Variants in EPHA7 observed in about 807,000 individuals in gnomAD.
The protein encoded by EPHA7 is ephrin type-A receptor 7.
Under a neutral mutation model 112.6 loss-of-function variants are expected in EPHA7, and 25 were observed. That is an observed-to-expected ratio of 0.22 (90% CI 0.16 to 0.31). The LOEUF is 0.31. EPHA7 is among the 10% of genes least tolerant of loss of function. The pLI, the probability that EPHA7 is intolerant of heterozygous loss-of-function variation, is 1.00. For synonymous variants in EPHA7, 437 were observed against 406.5 expected (o/e 1.07, Z -0.90); for missense variants, 962 against 1,212.6 (o/e 0.79, Z 3.07).
intron 3 of EPHA7, among the ~76,000 whole-genome samples, chr6:93,369,100 A>T (rs1562130560): frequency 6.6e-6 from 1 of 151,852 alleles, no homozygotes; most frequent in African/African-American, 2.4e-5. Context: ...GCTTAGAAAA[A>T]TGTTGTTGAG....
intron 3 of EPHA7, among the ~76,000 whole-genome samples, chr6:93,384,460 G>A (rs1270482240): frequency 6.6e-6 from 1 of 152,126 alleles, no homozygotes; most frequent in African/African-American, 2.4e-5. Flanking sequence ...ACAAAGAGTA[G>A]TACAAATTCT....
chr6:93,243,837 G>A (rs187229544), intron 16 of EPHA7, among the ~76,000 whole-genome samples: 159 of 152,128 alleles, frequency 1.0e-3, no homozygotes, highest in Admixed American at 2.4e-3. Flanking sequence ...TTAACTTAAG[G>A]AAAGGTTAGG....
chr6:93,349,698 T>A (rs970733093), intron 5 of EPHA7, among the ~76,000 whole-genome samples: 1 of 151,816 alleles, frequency 6.6e-6, no homozygotes, highest in African/African-American at 2.4e-5. Flanking sequence ...TTTCTCAATA[T>A]CATGTTCCTT....
intron 6 of EPHA7, among the ~76,000 whole-genome samples, chr6:93,270,619 T>G (rs1179833570): frequency 3.3e-5 from 5 of 151,664 alleles, no homozygotes; most frequent in Non-Finnish European, 7.4e-5. Context: ...GGCAATGAAA[T>G]TCTTCATTGA....
chr6:93,282,573 G>C (rs1313160128), intron 5 of EPHA7, among the ~76,000 whole-genome samples: 1 of 152,242 alleles, frequency 6.6e-6, no homozygotes, highest in Non-Finnish European at 1.5e-5. Flanking sequence ...TCGACCTGCG[G>C]CTGCACTGTG....
rs1332877944 is a variant in EPHA7, at chr6:93,272,508, G to T, written c.1325-86C>A. On this transcript the variant is annotated intron_variant, in intron 5 of 16. Coordinates refer to ENST00000369303, the MANE Select transcript of EPHA7 (RefSeq NM_004440.4). ...TGTCACAACTGATCAGTCCCATGCT[G>T]TGCCAGTTTCATTAAGGTAAAAGAA... The T allele has an allele frequency of 7.3e-6, 11 of 1,513,338 alleles. No individual in the cohort carries two copies. The Admixed American group carries it at 1.7e-4, about 23-fold the overall frequency. 93.7% of individuals were successfully genotyped at this position (1,513,338 alleles called of 1,614,324 possible).
chr6:93,391,744 C>G (rs749912603), intron 3 of EPHA7, among the ~76,000 whole-genome samples: 8 of 151,722 alleles, frequency 5.3e-5, no homozygotes, highest in Non-Finnish European at 8.8e-5. Context: ...GAAGGGGAAG[C>G]TGGTTAATTA....
At chr6:93,358,223 T>C in intron 4 of EPHA7, 33 bp downstream of exon 4, 1 of 1,546,412 alleles carries the variant, frequency 6.5e-7, no homozygotes, top group Non-Finnish European at 8.8e-7. Context: ...TGGAAGGGAT[T>C]GGAAAGTCCT....
At chr6:93,394,936 A>G (rs1220024910) in intron 3 of EPHA7, among the ~76,000 whole-genome samples, 4 of 151,800 alleles carry the variant, frequency 2.6e-5, no homozygotes, top group Non-Finnish European at 5.9e-5. Context: ...GCTAATATTA[A>G]TATTTTACTT....
chr6:93,295,178 A>G (rs1267453386), intron 5 of EPHA7, among the ~76,000 whole-genome samples: 6 of 151,982 alleles, frequency 3.9e-5, no homozygotes, highest in East Asian at 3.9e-4. Context: ...CAGTAGTGAG[A>G]TAATTTTCAG....
intron 5 of EPHA7, among the ~76,000 whole-genome samples, chr6:93,319,100 A>G (rs1432734026): frequency 6.6e-6 from 1 of 152,142 alleles, no homozygotes; most frequent in Non-Finnish European, 1.5e-5. Flanking sequence ...ATCAAGGAAA[A>G]GAAATATCTC....
intron 7 of EPHA7, among the ~76,000 whole-genome samples, chr6:93,268,978 C>T (rs1439252996): frequency 4.0e-5 from 6 of 151,584 alleles, no homozygotes; most frequent in Admixed American, 2.6e-4. Flanking sequence ...AAAATAAAAA[C>T]AAGTTCTAAG....
In EPHA7 at chr6:93,419,487, C is replaced by T. The variant is rs1443780068; in HGVS notation, c.-146G>A. 3 of 623,328 alleles carry T rather than the reference C, an allele frequency of 4.8e-6. No individual in the cohort carries two copies. Among genetic ancestry groups the T allele is most frequent in the South Asian group, 4.3e-5 (2 of 46,396 alleles). 38.6% of individuals were successfully genotyped at this position (623,328 alleles called of 1,614,324 possible). On this transcript the variant is annotated 5_prime_UTR_variant, in exon 1 of 17. Coordinates refer to ENST00000369303, the MANE Select transcript of EPHA7 (RefSeq NM_004440.4). ...CCCCGATCGGCTGCTCCACGTTTAG[C>T]TTTTTTTAATTTCCCCCCCACTCCT...
chr6:93,263,799 TA>T, intron 9 of EPHA7, 60 bp downstream of exon 9: 1 of 1,405,344 alleles, frequency 7.1e-7, no homozygotes, highest in Non-Finnish European at 1.0e-6. Context: ...ATGCCAATGC[TA>T]ATAACCAGAT....
intron 15 of EPHA7, 57 bp downstream of exon 15, chr6:93,246,735 T>C (rs1245702800): frequency 4.9e-6 from 7 of 1,437,150 alleles, no homozygotes; most frequent in Non-Finnish European, 6.7e-6. Flanking sequence ...AGGAGATAAA[T>C]GGTTTATGTT....
intron 5 of EPHA7, among the ~76,000 whole-genome samples, chr6:93,352,758 A>C (rs1775757204): frequency 6.6e-6 from 1 of 152,124 alleles, no homozygotes; most frequent in Non-Finnish European, 1.5e-5. Context: ...CACAGCCACA[A>C]AAAAGAACAA....
Position 93,410,873 on chromosome 6 carries a change from T to C in EPHA7, c.460A>G (p.Ser154Gly). The C allele has an allele frequency of 6.2e-7, 1 of 1,614,078 alleles. No individual in the cohort carries two copies. The highest frequency in any genetic ancestry group is 8.5e-7 in the Non-Finnish European group (1 of 1,179,970). Reference sequence around the variant, plus strand: ...TCACCAAGGTCACCTTGGGTAAAACTTTCATCTGCAGCAATGGTGTCTATT... The same window carrying C: ...TCACCAAGGTCACCTTGGGTAAAACCTTCATCTGCAGCAATGGTGTCTATT... ...VKIDTIAADESFTQGDLGERK... is the reference protein window; with the variant it reads ...VKIDTIAADEGFTQGDLGERK... Residue 154 changes from serine to glycine, a missense_variant, in exon 3 of 17, where the codon AGT (serine) becomes GGT (glycine). Transcript: ENST00000369303. The surrounding 1 kb of genome is among the most constrained non-coding windows in gnomAD (Gnocchi z 4.0).
intron 5 of EPHA7, among the ~76,000 whole-genome samples, chr6:93,347,490 A>G (rs1775459841): frequency 6.6e-6 from 1 of 151,924 alleles, no homozygotes; most frequent in African/African-American, 2.4e-5. Flanking sequence ...TTCTTGTCCC[A>G]TAAATAAAAT....
At chr6:93,333,367 T>C (rs1245432513) in intron 5 of EPHA7, among the ~76,000 whole-genome samples, 1 of 151,924 alleles carries the variant, frequency 6.6e-6, no homozygotes, top group African/African-American at 2.4e-5. Flanking sequence ...TGTCTCTTTA[T>C]GGCAGAATAA....
Sources: gnomAD v4.1 joint callset for allele counts (sites outside exome capture counted in the v4.1 genomes callset) on GRCh38, gnomAD v4.1.1 for gene constraint, Gnocchi (gnomAD v3.1) non-coding constraint, MANE v1.5 for transcripts, NCBI Gene and HGNC (gene_info 2026-07-23, HGNC 2026-07-21) for gene names.